The following COL4A4 variants were observed in gnomAD, a reference collection of about 807,000 sequenced individuals.
The protein encoded by COL4A4 is collagen type IV alpha 4 chain, also known as collagen alpha-4(IV) chain.
Under a neutral mutation model 192.9 loss-of-function variants are expected in COL4A4, and 105 were observed. The observed-to-expected ratio is 0.54, with a 90% CI of 0.46 to 0.64. COL4A4 has a LOEUF of 0.64. COL4A4 is among the 30% of genes least tolerant of loss of function. COL4A4 has a pLI of 0.00. For missense variants in COL4A4, 1,967 were observed against 2,169.3 expected, an observed-to-expected ratio of 0.91 and a Z score of 1.85; for synonymous variants, 762 against 769.9, an observed-to-expected ratio of 0.99 and a Z score of 0.17.
intron 9 of COL4A4, among the ~76,000 whole-genome samples, chr2:227,110,972 G>A (rs1014562922): frequency 1.3e-5 from 2 of 152,276 alleles, no homozygotes; most frequent in African/African-American, 2.4e-5. Flanking sequence ...GAGCCACCAC[G>A]CCTGGCCGGC....
chr2:226,974,392 T>G, the COL4A4 span, among the ~76,000 whole-genome samples: 1 of 151,890 alleles, frequency 6.6e-6, no homozygotes, highest in Non-Finnish European at 1.5e-5. Context: ...CGCCCACCAC[T>G]GGGCCTGGCT....
intron 16 of COL4A4, 39 bp from the exon 17 acceptor site, chr2:227,101,596 G>A (rs1206578434): frequency 6.9e-7 from 1 of 1,441,416 alleles, no homozygotes; most frequent in Non-Finnish European, 9.7e-7. Flanking sequence ...AAAAAAAAGT[G>A]ACTGGGTGAC....
chr2:227,051,218 G>C, intron 32 of COL4A4, 60 bp from the exon 33 acceptor site: 5 of 1,552,306 alleles, frequency 3.2e-6, no homozygotes, highest in Non-Finnish European at 4.4e-6. Flanking sequence ...TAATAGTTAA[G>C]CTGAGGGACC....
At position 227,051,098 on chromosome 2, in the gene COL4A4, G is replaced by C. The variant is rs201227345; in HGVS notation, c.3029C>G (p.Pro1010Arg). 2 of 1,614,002 alleles carry C rather than the reference G, an allele frequency of 1.2e-6. No individual in the cohort carries two copies. Among genetic ancestry groups the C allele is most frequent in the African/African-American group, 2.7e-5 (2 of 74,880 alleles). The change falls in exon 33 of 48, where the codon CCT becomes CGT. Residue 1010 changes from proline (P) to arginine (R), a missense_variant. By Grantham distance (103) the Pro-to-Arg change is moderately radical. Transcript: ENST00000396625. ...ACCAGGTTCCCCTCTGTGAAATCCA[G>C]GTGGTCCGTATCTTCCCGGCTCTCC... ...RRGEPGRYGP[P>R]GFHRGEPGEK...
At chr2:227,128,588 T>A (rs1377023743) in intron 4 of COL4A4, among the ~76,000 whole-genome samples, 1 of 151,918 alleles carries the variant, frequency 6.6e-6, no homozygotes, top group Non-Finnish European at 1.5e-5. Flanking sequence ...TCATCTAAGC[T>A]CGCCATCCAG....
chr2:227,054,448 A>G, intron 31 of COL4A4, 146 bp downstream of exon 31: 1 of 872,222 alleles, frequency 1.1e-6, no homozygotes. Flanking sequence ...AATTTTGTTT[A>G]AAATTCTAAA....
At chr2:227,108,079 A>G (rs2060966570) in intron 12 of COL4A4, among the ~76,000 whole-genome samples, 1 of 152,038 alleles carries the variant, frequency 6.6e-6, no homozygotes, top group Non-Finnish European at 1.5e-5. Context: ...TCTAAAGCTT[A>G]TTCTTACTAA....
At chr2:227,077,760 G>A in intron 25 of COL4A4, 134 bp downstream of exon 25, 3 of 783,302 alleles carry the variant, frequency 3.8e-6, no homozygotes, top group Non-Finnish European at 2.0e-6. Flanking sequence ...CTACACGTTA[G>A]GTAAAATGTA....
At chr2:227,110,252 G>A (rs1222739192) in intron 9 of COL4A4, among the ~76,000 whole-genome samples, 1 of 152,168 alleles carries the variant, frequency 6.6e-6, no homozygotes, top group Admixed American at 6.5e-5. Flanking sequence ...TGTTTAGGAG[G>A]ATGAACTGAT....
At chr2:227,000,256 C>T (rs1960592821), downstream of COL4A4, among the ~76,000 whole-genome samples, 1 of 152,234 alleles carries the variant, frequency 6.6e-6, no homozygotes, top group Non-Finnish European at 1.5e-5. Context: ...CAGATTCAGA[C>T]TCCTGCTCCC....
intron 35 of COL4A4, among the ~76,000 whole-genome samples, chr2:227,047,257 G>C (rs892747817): frequency 6.6e-6 from 1 of 151,992 alleles, no homozygotes; most frequent in Non-Finnish European, 1.5e-5. Context: ...AGCCATGATG[G>C]AAAAATGATT....
At chr2:227,157,833 G>T (rs117070413) in intron 1 of COL4A4, among the ~76,000 whole-genome samples, 1,597 of 151,910 alleles carry the variant, frequency 0.011, 56 homozygotes, top group Admixed American at 0.064. Context: ...AACATTTAAT[G>T]AAAAAATAAT....
At position 227,059,679 on chromosome 2, in the gene COL4A4, T is replaced by C. The variant is rs961786132; in HGVS notation, c.2165-56A>G. On this transcript the variant is annotated intron_variant, in intron 27 of 47. Coordinates refer to ENST00000396625, the MANE Select transcript of COL4A4 (RefSeq NM_000092.5). ...ATAACATGTGCAAGTATAGAACCAATACATATAAGACTTACTTTGATAAAA... is the reference window on the plus strand; with the variant it reads ...ATAACATGTGCAAGTATAGAACCAACACATATAAGACTTACTTTGATAAAA... 6.5e-6 allele frequency: 8 copies of C among 1,227,746 alleles called. No individual in the cohort carries two copies. In the Admixed American group the frequency reaches 1.4e-4, roughly 21 times the overall value. 76.1% of individuals were successfully genotyped at this position (1,227,746 alleles called of 1,614,324 possible).
chr2:227,128,636 G>T (rs1483099302), intron 4 of COL4A4, among the ~76,000 whole-genome samples: 1 of 151,928 alleles, frequency 6.6e-6, no homozygotes, highest in Admixed American at 6.6e-5. Flanking sequence ...CATTCTCCAT[G>T]TCCTTCTCAT....
chr2:227,094,161 C>T lies in COL4A4; in HGVS notation c.1333G>A (p.Gly445Arg). 2 of 1,613,568 alleles carry T rather than the reference C, an allele frequency of 1.2e-6. No homozygotes were observed. Among genetic ancestry groups the T allele is most frequent in the Non-Finnish European group, 1.7e-6 (2 of 1,179,750 alleles). The change falls in exon 20 of 48, where the codon GGA (glycine) becomes AGA (arginine). Residue 445 changes from glycine (G) to arginine (R), a missense_variant. Physicochemically the swap from Gly to Arg is moderately radical, Grantham distance 125. Transcript: ENST00000396625. ...GGGAGGCCCTGCAGGCCTGGTGCTCCAGGCAAGCCAGGTGATCCTGGCTTC... is the reference window on the plus strand; with the variant it reads ...GGGAGGCCCTGCAGGCCTGGTGCTCTAGGCAAGCCAGGTGATCCTGGCTTC... ...PGKPGSPGLPGAPGLQGLPGS... is the reference protein window; with the variant it reads ...PGKPGSPGLPRAPGLQGLPGS...
Position 227,042,162 on chromosome 2 carries a change from G to C in COL4A4, c.3491C>G (p.Pro1164Arg). The change falls in exon 37 of 48, where the codon CCT becomes CGT. Residue 1164 changes from proline to arginine, a missense_variant. Pro to Arg is a moderately radical substitution (Grantham distance 103, BLOSUM62 -2). Transcript: ENST00000396625. The part of the protein sequence containing the change: ...GLQGDPGIPG[P>R]PGIKGPSGSP... ...TTTTGACTTACCTTTTATTCCCGGA[G>C]GACCTGGTATCCCTGGATCCCCCTG... 1 of 1,605,874 alleles carries C rather than the reference G, an allele frequency of 6.2e-7. No homozygotes were observed. The highest frequency in any genetic ancestry group is 8.5e-7 in the Non-Finnish European group (1 of 1,172,506).
At chr2:226,977,181 T>C in the COL4A4 span, among the ~76,000 whole-genome samples, 36 of 152,384 alleles carry the variant, frequency 2.4e-4, no homozygotes, top group South Asian at 4.8e-3. Flanking sequence ...AGGAGCATCA[T>C]TGGATGTCTC....
rs1160845292 is a variant in COL4A4 at position 227,094,197 on chromosome 2, C to T, written c.1297G>A (p.Gly433Arg). Reference protein sequence around the residue: ...GIPGRPDSAPGKPGKPGSPGL... With the variant: ...GIPGRPDSAPRKPGKPGSPGL... ...GGTGATCCTGGCTTCCCTGGTTTTC[C>T]TGGAGCAGAATCAGGTCTCCCAGGA... is the stretch of plus-strand genomic sequence containing the variant. The change falls in exon 20 of 48, where the codon GGA becomes AGA. Residue 433 changes from glycine to arginine, a missense_variant. Physicochemically the swap from Gly to Arg is moderately radical, Grantham distance 125. Coordinates refer to ENST00000396625, the MANE Select transcript of COL4A4 (RefSeq NM_000092.5). The T allele has an allele frequency of 6.2e-7, 1 of 1,613,762 alleles. No homozygotes were observed. Among genetic ancestry groups the T allele is most frequent in the Admixed American group, 1.7e-5 (1 of 59,994 alleles).
chr2:227,152,637 T>C (rs368066192), intron 1 of COL4A4, among the ~76,000 whole-genome samples: 1 of 152,222 alleles, frequency 6.6e-6, no homozygotes, highest in African/African-American at 2.4e-5. Context: ...GCAGTGTGCC[T>C]GGCGCTTTGC....
Sources: allele counts gnomAD v4.1 joint callset (sites outside exome capture counted in the v4.1 genomes callset), GRCh38; gene constraint gnomAD v4.1.1; transcripts MANE v1.5; gene names NCBI Gene and HGNC (gene_info 2026-07-23, HGNC 2026-07-21).